Variants in PKD2L2 observed in about 807,000 individuals in gnomAD.
PKD2L2 encodes the protein polycystin-2-like protein 2.
Under a neutral mutation model 83.9 loss-of-function variants are expected in PKD2L2, and 67 were observed. The observed-to-expected ratio is 0.80, with a 90% CI of 0.66 to 0.98. PKD2L2 has a LOEUF of 0.98. Among genes scored for constraint, PKD2L2 ranks in the 50% least tolerant of loss-of-function variants. PKD2L2 has a pLI of 0.00. For missense variants in PKD2L2, 632 were observed against 717.2 expected (o/e 0.88, Z 1.36); for synonymous variants, 223 against 237.8 (o/e 0.94, Z 0.57).
At chr5:137,893,262 G>A (rs1269907478) in intron 3 of PKD2L2, among the ~76,000 whole-genome samples, 1 of 151,994 alleles carries the variant, frequency 6.6e-6, no homozygotes, top group African/African-American at 2.4e-5. Flanking sequence ...GTTTATATGT[G>A]TTACAGTAAG....
chr5:137,918,944 A>ATG (rs67036547), intron 8 of PKD2L2, among the ~76,000 whole-genome samples: 19,799 of 146,176 alleles, frequency 0.14, 1,606 homozygotes, highest in East Asian at 0.31. Flanking sequence ...GGCCTGCACA[A>ATG]TGTGTGTGTG....
chr5:137,908,439 A>G (rs1407713186), intron 7 of PKD2L2, among the ~76,000 whole-genome samples: 1 of 152,048 alleles, frequency 6.6e-6, no homozygotes, highest in African/African-American at 2.4e-5. Flanking sequence ...AATACAAAAA[A>G]TACTAGCTGG....
At chr5:137,906,495 G>A in intron 6 of PKD2L2, 61 bp downstream of exon 6, 1 of 780,464 alleles carries the variant, frequency 1.3e-6, no homozygotes, top group Admixed American at 2.7e-5. Context: ...CAATGAAGGA[G>A]GTGTAAAAAG....
intron 12 of PKD2L2, among the ~76,000 whole-genome samples, chr5:137,932,306 C>A (rs1759939253): frequency 6.6e-6 from 1 of 151,820 alleles, no homozygotes; most frequent in African/African-American, 2.4e-5. Flanking sequence ...CAAGATCACG[C>A]CACTGCACTC....
At chr5:137,921,029 T>C (rs1580965736) in intron 8 of PKD2L2, among the ~76,000 whole-genome samples, 1 of 152,182 alleles carries the variant, frequency 6.6e-6, no homozygotes, top group African/African-American at 2.4e-5. Flanking sequence ...AGGAGGCCAC[T>C]GCCAAAACCA....
At chr5:137,941,887 T>C (rs944218351) in intron 14 of PKD2L2, 3 of 1,350,052 alleles carry the variant, frequency 2.2e-6, no homozygotes, top group South Asian at 1.2e-5. Flanking sequence ...TTTCAACATA[T>C]GGTCAGTTTG....
intron 14 of PKD2L2, chr5:137,939,228 AAAAAAAAAAGAT>A: frequency 6.7e-6 from 1 of 149,656 alleles, no homozygotes; most frequent in East Asian, 1.9e-4. Flanking sequence ...TAGGAGGGGA[AAAAAAAAAAGAT>A]AACCCCCTGA....
chr5:137,889,766 G>T lies in PKD2L2; in HGVS notation c.31+244G>T, dbSNP rs564399280. Reference sequence around the variant, plus strand: ...AGGCTCGAGCTGGGCGTTGTCACCTGTCGAGTGACCGTCGCTAGGCCGGTC... The same window carrying T: ...AGGCTCGAGCTGGGCGTTGTCACCTTTCGAGTGACCGTCGCTAGGCCGGTC... On this transcript the variant is annotated intron_variant, in intron 1 of 14. Coordinates refer to ENST00000508883, the MANE Select transcript of PKD2L2 (RefSeq NM_001300921.2). Among the ~76,000 whole-genome samples, 364 of 152,330 alleles carry T rather than the reference G, an allele frequency of 2.4e-3. 1 individual carries two copies. Among genetic ancestry groups the T allele is most frequent in the Middle Eastern group, 0.01 (3 of 294 alleles).
intron 14 of PKD2L2, 47 bp downstream of exon 14, chr5:137,936,474 G>A (rs75066483): frequency 3.2e-5 from 40 of 1,259,442 alleles, no homozygotes; most frequent in Non-Finnish European, 4.1e-5. Flanking sequence ...TTTTTTTTTT[G>A]AGACGGAGTC....
At position 137,924,949 on chromosome 5, in the gene PKD2L2, C is replaced by T. The variant is rs1759251281; in HGVS notation, c.1552-91C>T. ...CCTTTAGGGTAGCAATCCAGAGGGA[C>T]AAGCATTCCATATTTATTTTACTTT... On this transcript the variant is annotated intron_variant, in intron 10 of 14. Coordinates refer to ENST00000508883, the MANE Select transcript of PKD2L2 (RefSeq NM_001300921.2). 6 of 786,558 alleles carry T rather than the reference C, an allele frequency of 7.6e-6. 1 individual carries two copies. In the South Asian group the frequency reaches 9.2e-5, roughly 12 times the overall value. The allele number at this position is 786,558 out of a possible 1,614,324, so 48.7% of individuals were successfully genotyped here.
At chr5:137,940,462 G>C in intron 14 of PKD2L2, 3 of 541,036 alleles carry the variant, frequency 5.5e-6, no homozygotes, top group Non-Finnish European at 6.0e-6. Context: ...ATAAAAAGTT[G>C]TTCTGTTAAA....
chr5:137,914,538 CT>C (rs1396104966), intron 8 of PKD2L2, among the ~76,000 whole-genome samples: 1 of 152,128 alleles, frequency 6.6e-6, no homozygotes, highest in Non-Finnish European at 1.5e-5. Context: ...TTGGTGGAAT[CT>C]TTAAGGGTTT....
chr5:137,895,424 A>T (rs2150002512), intron 4 of PKD2L2, among the ~76,000 whole-genome samples: 1 of 149,170 alleles, frequency 6.7e-6, no homozygotes, highest in Admixed American at 6.7e-5. Context: ...GCAAGCTATG[A>T]TCACACCACT....
intron 5 of PKD2L2, among the ~76,000 whole-genome samples, chr5:137,900,501 A>T (rs1466463226): frequency 6.6e-6 from 1 of 152,228 alleles, no homozygotes; most frequent in East Asian, 1.9e-4. Context: ...TCATAAATTG[A>T]TGTCTGCAGC....
chr5:137,913,593 C>T (rs1758051271), intron 8 of PKD2L2, among the ~76,000 whole-genome samples: 2 of 151,368 alleles, frequency 1.3e-5, no homozygotes, highest in Non-Finnish European at 2.9e-5. Context: ...CAGGTTCAAG[C>T]GATTCTCCTG....
At chr5:137,889,703 CTG>C (rs1042984546) in intron 1 of PKD2L2, among the ~76,000 whole-genome samples, 181 bp downstream of exon 1, 10 of 152,244 alleles carry the variant, frequency 6.6e-5, no homozygotes, top group African/African-American at 2.4e-4. Flanking sequence ...GACGGGAAAA[CTG>C]AAGCCCTGAG....
chr5:137,925,369 C>T (rs935210665), intron 11 of PKD2L2, among the ~76,000 whole-genome samples: 1 of 152,250 alleles, frequency 6.6e-6, no homozygotes, highest in Non-Finnish European at 1.5e-5. Flanking sequence ...TCTAAATACA[C>T]CCAGTACACC....
intron 14 of PKD2L2, chr5:137,939,165 C>G (rs1208645647): frequency 6.6e-6 from 1 of 152,018 alleles, no homozygotes; most frequent in Non-Finnish European, 1.5e-5. Context: ...AAAGGGTGGT[C>G]CCTTAAGAGG....
chr5:137,923,034 C>A (rs1338909047), intron 9 of PKD2L2, among the ~76,000 whole-genome samples: 1 of 145,130 alleles, frequency 6.9e-6, no homozygotes, highest in African/African-American at 2.5e-5. Context: ...TTTTTTTAGA[C>A]GGAGTCTTGC....
Sources: gnomAD v4.1 joint callset for allele counts (sites outside exome capture counted in the v4.1 genomes callset) on GRCh38, gnomAD v4.1.1 for gene constraint, MANE v1.5 for transcripts, NCBI Gene and HGNC (gene_info 2026-07-23, HGNC 2026-07-21) for gene names.